Variants in OPRM1 observed in about 807,000 individuals in gnomAD.
OPRM1 encodes mu-type opioid receptor.
A neutral mutation model predicts 31.8 loss-of-function variants in OPRM1; 27 were observed. The ratio of observed to expected loss-of-function variants is 0.85; its 90% CI spans 0.63 to 1.17. The LOEUF (loss-of-function observed/expected upper bound fraction) is 1.17, where lower values mean the gene tolerates loss of function less well. Ranked by LOEUF, OPRM1 falls within the 50% of genes most tolerant of loss-of-function variation. OPRM1 has a pLI of 0.00. For synonymous variants in OPRM1, 196 were observed against 189.9 expected (o/e 1.03, Z -0.26); for missense variants, 536 against 511.1 (o/e 1.05, Z -0.47).
intron 3 of OPRM1, chr6:154,223,288 T>C (rs771080228): frequency 1.5e-5 from 21 of 1,381,818 alleles, no homozygotes; most frequent in Non-Finnish European, 2.0e-5. Context: ...GCATCAATCC[T>C]GGGGATTAGT....
chr6:154,015,590 A>G (rs1777959812), intron 1 of OPRM1, among the ~76,000 whole-genome samples: 3 of 152,100 alleles, frequency 2.0e-5, no homozygotes. Flanking sequence ...ATAATCTGAG[A>G]GTGGGAAAAC....
upstream of OPRM1, among the ~76,000 whole-genome samples, chr6:154,037,595 A>G (rs1337021521): frequency 6.6e-6 from 1 of 152,114 alleles, no homozygotes; most frequent in African/African-American, 2.4e-5. Context: ...AATGATGCTA[A>G]TGTTTAACTT....
At chr6:154,165,805 T>G (rs911784870) in intron 3 of OPRM1, among the ~76,000 whole-genome samples, 1 of 152,250 alleles carries the variant, frequency 6.6e-6, no homozygotes, top group Non-Finnish European at 1.5e-5. Flanking sequence ...ACTCACTCAC[T>G]CTCACTGTGT....
chr6:154,069,516 C>A (rs994096892), intron 1 of OPRM1, among the ~76,000 whole-genome samples: 3 of 152,314 alleles, frequency 2.0e-5, no homozygotes, highest in Admixed American at 6.5e-5. Flanking sequence ...GGATTACAGG[C>A]ATGAGCCACC....
At chr6:154,029,904 C>T (rs116223463) in intron 1 of OPRM1, among the ~76,000 whole-genome samples, 4,384 of 152,172 alleles carry the variant, frequency 0.029, 201 homozygotes, top group African/African-American at 0.1. Flanking sequence ...TGATTTTAAG[C>T]TTTTTGAGGC....
chr6:154,234,312 C>CT (rs1317210703), intron 3 of OPRM1, among the ~76,000 whole-genome samples: 1 of 152,194 alleles, frequency 6.6e-6, no homozygotes, highest in Admixed American at 6.5e-5. Context: ...AAGGATGAAG[C>CT]TTTGGTTACC....
chr6:154,192,507 C>G (rs1232504021), intron 3 of OPRM1, among the ~76,000 whole-genome samples: 1 of 152,002 alleles, frequency 6.6e-6, no homozygotes, highest in Non-Finnish European at 1.5e-5. Flanking sequence ...GAAAACCAAA[C>G]ATTTGAACTT....
At chr6:154,187,434 C>CA (rs1337492248) in intron 3 of OPRM1, among the ~76,000 whole-genome samples, 3 of 152,196 alleles carry the variant, frequency 2.0e-5, no homozygotes, top group Non-Finnish European at 1.5e-5. Context: ...CAGCTCATGG[C>CA]ATGGTGCTTG....
At chr6:154,176,696 C>T (rs1055936313) in intron 3 of OPRM1, among the ~76,000 whole-genome samples, 3 of 152,180 alleles carry the variant, frequency 2.0e-5, no homozygotes, top group African/African-American at 7.2e-5. Context: ...AAGAACATTC[C>T]ATGCTCATGG....
chr6:154,018,753 A>G (rs1369915434), intron 1 of OPRM1, among the ~76,000 whole-genome samples: 1 of 152,206 alleles, frequency 6.6e-6, no homozygotes, highest in Non-Finnish European at 1.5e-5. Flanking sequence ...CATGGTTTAT[A>G]CGGAAAAACA....
chr6:154,202,272 T>C (rs1321835341), intron 3 of OPRM1, among the ~76,000 whole-genome samples: 2 of 152,218 alleles, frequency 1.3e-5, no homozygotes, highest in African/African-American at 4.8e-5. Flanking sequence ...TTCAGGAATA[T>C]GTCAAGTACC....
chr6:154,168,009 C>T lies in OPRM1; in HGVS notation c.1164+76537C>T. On this transcript the variant is annotated intron_variant, in intron 3 of 3. Transcript: ENST00000337049. This position sits in a 1 kb window ranked among gnomAD's most constrained non-coding sequence, Gnocchi z 4.1. The stretch of plus-strand genomic sequence containing the variant: ...CGCTTAACAAAGGATTTTCTCAACT[C>T]CTTTTTAGTCGAAGGTCGTCGGTCC... 6.2e-7 allele frequency: 1 copy of T among 1,612,140 alleles called. No individual in the cohort carries two copies. The highest frequency in any genetic ancestry group is 8.5e-7 in the Non-Finnish European group (1 of 1,178,506).
chr6:154,094,817 G>T (rs1488323980), intron 3 of OPRM1, among the ~76,000 whole-genome samples: 1 of 152,208 alleles, frequency 6.6e-6, no homozygotes, highest in Non-Finnish European at 1.5e-5. Flanking sequence ...TCCATCTCTT[G>T]CTGATAGGAT....
At chr6:154,152,189 G>A (rs28475355) in intron 3 of OPRM1, among the ~76,000 whole-genome samples, 54 of 124,118 alleles carry the variant, frequency 4.4e-4, no homozygotes, top group Non-Finnish European at 5.8e-4. Context: ...AAAAGAAAGA[G>A]AGAGAGAGAG....
intron 3 of OPRM1, among the ~76,000 whole-genome samples, chr6:154,206,756 G>T (rs927400658): frequency 1.3e-5 from 2 of 152,192 alleles, no homozygotes; most frequent in East Asian, 3.9e-4. Flanking sequence ...GTGGGATTGG[G>T]GTGGGAGTCA....
At chr6:154,241,174 T>C (rs1170733182) in intron 3 of OPRM1, among the ~76,000 whole-genome samples, 1 of 147,236 alleles carries the variant, frequency 6.8e-6, no homozygotes, top group Admixed American at 7.0e-5. Context: ...AGGCGGAGGT[T>C]GCAGTGAGCC....
chr6:154,165,800 C>A (rs1799380396), intron 3 of OPRM1, among the ~76,000 whole-genome samples: 1 of 152,248 alleles, frequency 6.6e-6, no homozygotes, highest in Admixed American at 6.5e-5. Context: ...ATCTCACTCA[C>A]TCACTCTCAC....
intron 3 of OPRM1, among the ~76,000 whole-genome samples, chr6:154,148,899 C>T (rs1382634182): frequency 6.6e-6 from 1 of 152,188 alleles, no homozygotes; most frequent in Admixed American, 6.5e-5. Context: ...CTGTATACCC[C>T]TACCTTAACA....
intron 3 of OPRM1, among the ~76,000 whole-genome samples, chr6:154,183,548 T>C (rs1189200471): frequency 6.6e-6 from 1 of 152,194 alleles, no homozygotes; most frequent in Non-Finnish European, 1.5e-5. Flanking sequence ...GTGCGCTCTA[T>C]AGAATACCAA....
Sources: allele counts gnomAD v4.1 joint callset (sites outside exome capture counted in the v4.1 genomes callset), GRCh38; gene constraint gnomAD v4.1.1; non-coding constraint Gnocchi (gnomAD v3.1); transcripts MANE v1.5; gene names NCBI Gene and HGNC (gene_info 2026-07-23, HGNC 2026-07-21).